Variants in PAN3 observed in about 807,000 individuals in gnomAD.
PAN3 encodes the protein poly(A) specific ribonuclease subunit PAN3, also known as PAN2-PAN3 deadenylation complex subunit PAN3.
PAN3 carries 19 observed loss-of-function variants against 96.2 expected under a neutral mutation model. The ratio of observed to expected loss-of-function variants is 0.20; its 90% CI spans 0.14 to 0.29. The LOEUF (loss-of-function observed/expected upper bound fraction) is 0.29, where lower values mean the gene tolerates loss of function less well. PAN3 is among the 10% of genes least tolerant of loss of function. The pLI, the probability that PAN3 is intolerant of heterozygous loss-of-function variation, is 1.00. For synonymous variants in PAN3, 433 were observed against 406.6 expected, an observed-to-expected ratio of 1.06 and a Z score of -0.78; for missense variants, 882 against 1,108.1, an observed-to-expected ratio of 0.80 and a Z score of 2.90.
intron 11 of PAN3, 25 bp downstream of exon 11, chr13:28,267,236 C>T (rs898651417): frequency 1.7e-5 from 28 of 1,611,498 alleles, no homozygotes; most frequent in Middle Eastern, 1.7e-4. Context: ...ATTTGTCTTT[C>T]TGCTGGTGAG....
chr13:28,138,834 C>A lies in PAN3; in HGVS notation c.177C>A (p.Phe59Leu). The change falls in exon 1 of 19, where the codon TTC becomes TTA. Residue 59 changes from phenylalanine to leucine, a missense_variant. By Grantham distance (22) the Phe-to-Leu change is conservative (BLOSUM62 0). This residue lies in a region of PAN3 where 442 missense variants were observed against 422.8 expected (regional missense o/e 1.05). Transcript: ENST00000380958. ...ACTACGCTAAGGATAAGACTTGCTT[C>A]TACGGGGAGGAGTGTCAGTTCCTGC... is the stretch of plus-strand genomic sequence containing the variant. ...CRYYAKDKTC[F>L]YGEECQFLHE... is the part of the protein sequence containing the mutation. The A allele has an allele frequency of 1.4e-6, 2 of 1,418,220 alleles. No individual in the cohort carries two copies. The highest frequency in any genetic ancestry group is 1.8e-6 in the Non-Finnish European group (2 of 1,090,410). The allele number at this position is 1,418,220 out of a possible 1,614,324, so 87.9% of individuals were successfully genotyped here. A position where few individuals can be genotyped will look rare whatever the true frequency, so the allele number is the denominator to read the frequency against.
At chr13:28,277,731 A>G (rs1887177489) in intron 15 of PAN3, among the ~76,000 whole-genome samples, 1 of 152,234 alleles carries the variant, frequency 6.6e-6, no homozygotes, top group Non-Finnish European at 1.5e-5. Flanking sequence ...ATTACTGGCT[A>G]ATATAATTGG....
chr13:28,192,523 T>C (rs1294780851), intron 4 of PAN3, among the ~76,000 whole-genome samples: 2 of 152,252 alleles, frequency 1.3e-5, no homozygotes, highest in Non-Finnish European at 2.9e-5. Context: ...CATCTCATAT[T>C]TTCCTATCTA....
chr13:28,163,755 A>G (rs1433613972), intron 1 of PAN3, among the ~76,000 whole-genome samples: 4 of 152,180 alleles, frequency 2.6e-5, no homozygotes, highest in Non-Finnish European at 4.4e-5. Flanking sequence ...AGAAAGTTCA[A>G]TCGTTATATG....
At chr13:28,159,074 T>G (rs1593379841) in intron 1 of PAN3, among the ~76,000 whole-genome samples, 1 of 152,168 alleles carries the variant, frequency 6.6e-6, no homozygotes, top group African/African-American at 2.4e-5. Flanking sequence ...GAACTTAGAA[T>G]TACCATTTGA....
At chr13:28,265,557 A>C (rs1392663201) in intron 9 of PAN3, among the ~76,000 whole-genome samples, 1 of 152,186 alleles carries the variant, frequency 6.6e-6, no homozygotes, top group Non-Finnish European at 1.5e-5. Flanking sequence ...ATTCTACCTC[A>C]TGGAATTGTT....
chr13:28,225,890 A>G (rs1315190179), intron 6 of PAN3, among the ~76,000 whole-genome samples: 1 of 152,220 alleles, frequency 6.6e-6, no homozygotes, highest in Non-Finnish European at 1.5e-5. Context: ...TATTCAGTTC[A>G]ACGAATTGTA....
intron 1 of PAN3, among the ~76,000 whole-genome samples, chr13:28,167,674 A>AAC (rs1873763513): frequency 1.1e-5 from 1 of 89,390 alleles, no homozygotes; most frequent in Non-Finnish European, 2.6e-5. Context: ...CTGTCTCTAC[A>AAC]AAAAAAAAAA....
intron 4 of PAN3, among the ~76,000 whole-genome samples, chr13:28,193,973 A>T (rs1877643170): frequency 6.6e-6 from 1 of 151,912 alleles, no homozygotes; most frequent in South Asian, 2.1e-4. Context: ...CCTGGCCAAA[A>T]TGATGAAACC....
intron 17 of PAN3, among the ~76,000 whole-genome samples, chr13:28,282,024 C>A (rs1410091739): frequency 2.6e-5 from 4 of 152,172 alleles, no homozygotes; most frequent in Non-Finnish European, 4.4e-5. Context: ...GATCCACCTG[C>A]CTTGGCCTCC....
At chr13:28,193,884 C>T (rs573955451) in intron 4 of PAN3, among the ~76,000 whole-genome samples, 5 of 150,242 alleles carry the variant, frequency 3.3e-5, no homozygotes, top group Middle Eastern at 3.5e-3. Flanking sequence ...AGGCCCAGTG[C>T]GGTGGCTCAT....
intron 12 of PAN3, among the ~76,000 whole-genome samples, chr13:28,270,435 T>C (rs1261519981): frequency 6.6e-6 from 1 of 152,224 alleles, no homozygotes; most frequent in African/African-American, 2.4e-5. Context: ...CTTTAAGTAA[T>C]TTTTATTCAA....
chr13:28,184,196 G>T (rs572752216), intron 4 of PAN3, among the ~76,000 whole-genome samples: 2 of 152,154 alleles, frequency 1.3e-5, no homozygotes, highest in Non-Finnish European at 2.9e-5. Flanking sequence ...ATTGCAGACA[G>T]ATAGAAACTT....
chr13:28,218,081 A>G (rs1229938879), intron 5 of PAN3, among the ~76,000 whole-genome samples: 3 of 151,984 alleles, frequency 2.0e-5, no homozygotes, highest in Non-Finnish European at 4.4e-5. Flanking sequence ...ATATATACCT[A>G]TGCTATTTTT....
intron 12 of PAN3, among the ~76,000 whole-genome samples, chr13:28,269,791 T>G (rs1300557737): frequency 2.0e-5 from 3 of 152,238 alleles, no homozygotes; most frequent in Non-Finnish European, 4.4e-5. Flanking sequence ...AGATAATTAT[T>G]TTTAATTTTG....
chr13:28,215,658 G>C, intron 5 of PAN3: 1 of 1,406,178 alleles, frequency 7.1e-7, no homozygotes, highest in Non-Finnish European at 9.8e-7. Flanking sequence ...TTGCCATTTT[G>C]GTAATAAGCT....
intron 5 of PAN3, among the ~76,000 whole-genome samples, chr13:28,206,353 G>A (rs372402687): frequency 3.4e-5 from 4 of 117,704 alleles, no homozygotes; most frequent in Admixed American, 3.3e-4. Context: ...ACAGAGTTTC[G>A]CACTGATTCA....
chr13:28,191,677 C>T (rs1877276268), intron 4 of PAN3, among the ~76,000 whole-genome samples: 1 of 152,212 alleles, frequency 6.6e-6, no homozygotes, highest in African/African-American at 2.4e-5. Context: ...TGCCACAGAC[C>T]TTCCTTTCTA....
chr13:28,288,324 G>C (rs1869236649), intron 18 of PAN3, among the ~76,000 whole-genome samples: 1 of 152,214 alleles, frequency 6.6e-6, no homozygotes, highest in Admixed American at 6.5e-5. Flanking sequence ...GTGGAGGACA[G>C]AGTCTTGCTC....
Sources: gnomAD v4.1 joint callset for allele counts (sites outside exome capture counted in the v4.1 genomes callset) on GRCh38, gnomAD v4.1.1 for gene constraint, gnomAD v4.1.1 regional missense constraint, MANE v1.5 for transcripts, NCBI Gene and HGNC (gene_info 2026-07-23, HGNC 2026-07-21) for gene names.